The following ABCA4 variants were observed in gnomAD, a reference collection of about 807,000 sequenced individuals.
The protein encoded by ABCA4 is retinal-specific phospholipid-transporting ATPase ABCA4.
In ABCA4, 196 loss-of-function variants were observed where a neutral mutation model predicts 263.7. That is an observed-to-expected ratio of 0.74 (90% confidence interval 0.66 to 0.84). ABCA4 has a LOEUF of 0.84. Among genes scored for constraint, ABCA4 ranks in the 40% least tolerant of loss-of-function variants. The pLI is 0.00. For missense variants in ABCA4, 2,792 were observed against 2,855.1 expected, an observed-to-expected ratio of 0.98 and a Z score of 0.50; for synonymous variants, 1,133 against 1,094.2, an observed-to-expected ratio of 1.04 and a Z score of -0.70.
Position 94,037,272 on chromosome 1 carries a change from A to C in ABCA4, c.3686T>G (p.Leu1229Arg). 1 of 1,614,246 alleles carries C rather than the reference A, an allele frequency of 6.2e-7. No individual in the cohort carries two copies. The highest frequency in any genetic ancestry group is 8.5e-7 in the Non-Finnish European group (1 of 1,180,046). The change falls in exon 25 of 50, where the codon CTT becomes CGT. Residue 1229 changes from leucine to arginine, a missense_variant. By Grantham distance (102) the Leu-to-Arg change is moderately radical (BLOSUM62 -2). Coordinates refer to ENST00000370225, the MANE Select transcript of ABCA4 (RefSeq NM_000350.3). ...GTTCTTATTTGGAAGAAGGAAGATAAGTTCTTGACCAATGCACTCCACCAG... is the reference window on the plus strand; with the variant it reads ...GTTCTTATTTGGAAGAAGGAAGATACGTTCTTGACCAATGCACTCCACCAG... ...AKLVECIGQELIFLLPNKNFK... is the reference protein window; with the variant it reads ...AKLVECIGQERIFLLPNKNFK...
intron 11 of ABCA4, among the ~76,000 whole-genome samples, chr1:94,075,399 C>A (rs181738384): frequency 6.6e-6 from 1 of 152,248 alleles, no homozygotes; most frequent in East Asian, 1.9e-4. Context: ...TCATTCTTAT[C>A]TTCAGACAAG....
intron 38 of ABCA4, among the ~76,000 whole-genome samples, chr1:94,012,856 A>G (rs1004142810): frequency 6.7e-6 from 1 of 150,076 alleles, no homozygotes; most frequent in Non-Finnish European, 1.5e-5. Context: ...GCTTGTTTAT[A>G]TCAGCACACA....
At chr1:94,019,873 C>T (rs1571256916) in intron 35 of ABCA4, 114 bp from the exon 36 acceptor site, 1 of 1,156,976 alleles carries the variant, frequency 8.6e-7, no homozygotes, top group African/African-American at 1.5e-5. Flanking sequence ...GTGTGGCCTC[C>T]AGGTTCCTCT....
chr1:94,003,941 TA>T (rs1490962944), intron 44 of ABCA4, among the ~76,000 whole-genome samples: 1 of 152,120 alleles, frequency 6.6e-6, no homozygotes, highest in Admixed American at 6.5e-5. Flanking sequence ...CCCAGCCCCT[TA>T]TTTTTTTTTT....
chr1:94,041,315 T>C lies in ABCA4; in HGVS notation c.3416A>G (p.Tyr1139Cys), dbSNP rs150895509. The C allele has an allele frequency of 5.9e-5, 95 of 1,614,066 alleles. No individual in the cohort carries two copies. In the African/African-American group the frequency reaches 1.1e-3, roughly 19 times the overall value. ...RIAIIAQGRL[Y>C]CSGTPLFLKN... ...CAGGAAGAGTGGGGTGCCTGAGCAG[T>C]AGAGCCTTCCCTGGGCAATGATGGC... The change falls in exon 23 of 50, where the codon TAC (tyrosine) becomes TGC (cysteine). Residue 1139 changes from tyrosine to cysteine, a missense_variant. Tyr to Cys is a radical substitution (Grantham distance 194). Coordinates refer to ENST00000370225, the MANE Select transcript of ABCA4 (RefSeq NM_000350.3).
In ABCA4 at chr1:94,041,310, A is replaced by G; in HGVS notation, c.3421T>C (p.Ser1141Pro). 6.2e-7 allele frequency: 1 copy of G among 1,614,122 alleles called. No individual in the cohort carries two copies. Among genetic ancestry groups the G allele is most frequent in the Non-Finnish European group, 8.5e-7 (1 of 1,180,016 alleles). The change falls in exon 23 of 50, where the codon TCA (serine) becomes CCA (proline). Residue 1141 changes from serine to proline, a missense_variant. Coordinates refer to ENST00000370225, the MANE Select transcript of ABCA4 (RefSeq NM_000350.3). ...AIIAQGRLYC[S>P]GTPLFLKNCF... is the part of the protein sequence containing the mutation. ...TTCTTCAGGAAGAGTGGGGTGCCTGAGCAGTAGAGCCTTCCCTGGGCAATG... is the reference window on the plus strand; with the variant it reads ...TTCTTCAGGAAGAGTGGGGTGCCTGGGCAGTAGAGCCTTCCCTGGGCAATG...
At chr1:94,030,740 G>A (rs1037745685) in intron 28 of ABCA4, among the ~76,000 whole-genome samples, 2 of 152,152 alleles carry the variant, frequency 1.3e-5, no homozygotes, top group Non-Finnish European at 1.5e-5. Context: ...AAAAGATGGC[G>A]CTTCAACCCA....
chr1:94,067,469 T>TG (rs1281604215), intron 11 of ABCA4, among the ~76,000 whole-genome samples: 1 of 152,266 alleles, frequency 6.6e-6, no homozygotes, highest in East Asian at 1.9e-4. Context: ...TGATAATCTC[T>TG]GGGGGAAAAA....
chr1:94,032,098 C>A (rs1660222900), intron 26 of ABCA4, 55 bp from the exon 27 acceptor site: 1 of 1,595,378 alleles, frequency 6.3e-7, no homozygotes, highest in East Asian at 2.2e-5. Context: ...GTCTGGATCT[C>A]TAATGCCATT....
chr1:94,046,818 C>A, intron 19 of ABCA4, 101 bp downstream of exon 19: 1 of 1,468,604 alleles, frequency 6.8e-7, no homozygotes, highest in Non-Finnish European at 9.5e-7. Context: ...ATATTTGTCA[C>A]TAAAATTTGT....
In ABCA4 at chr1:94,034,832, T is replaced by A. The variant is rs182363978; in HGVS notation, c.3862+1908A>T. 2.6e-5 allele frequency among the ~76,000 whole-genome samples: 4 copies of A among 152,260 alleles called. No individual in the cohort carries two copies. The East Asian group carries it at 7.7e-4, about 29-fold the overall frequency. ...TTAAGTGCTTTGAGGTAAGAGATGGTTTGTAAACATTTAGTTTAGAGTTGC... is the reference window on the plus strand; with the variant it reads ...TTAAGTGCTTTGAGGTAAGAGATGGATTGTAAACATTTAGTTTAGAGTTGC... On this transcript the variant is annotated intron_variant, in intron 26 of 49. Transcript: ENST00000370225.
chr1:94,120,421 CTG>C (rs2101189410), intron 1 of ABCA4, among the ~76,000 whole-genome samples: 1 of 152,302 alleles, frequency 6.6e-6, no homozygotes, highest in African/African-American at 2.4e-5. Context: ...GTAAGACACA[CTG>C]TTACTTTTCT....
chr1:94,001,922 C>T lies in ABCA4; in HGVS notation c.6218G>A (p.Gly2073Glu). 1 of 1,614,230 alleles carries T rather than the reference C, an allele frequency of 6.2e-7. No homozygotes were observed. Among genetic ancestry groups the T allele is most frequent in the Non-Finnish European group, 8.5e-7 (1 of 1,180,046 alleles). The change falls in exon 45 of 50, where the codon GGG (glycine) becomes GAG (glutamate). Residue 2073 changes from glycine to glutamate, a missense_variant. Transcript: ENST00000370225. ...YADCLAGTYSGGNKRKLSTAI... is the reference protein window; with the variant it reads ...YADCLAGTYSEGNKRKLSTAI... ...TGTGGAGAGTTTCCGCTTGTTGCCC[C>T]CACTGTACGTGCCAGCCAGGCAGTC...
At chr1:94,065,061 A>G (rs1475927543) in intron 11 of ABCA4, among the ~76,000 whole-genome samples, 1 of 152,126 alleles carries the variant, frequency 6.6e-6, no homozygotes, top group Non-Finnish European at 1.5e-5. Flanking sequence ...ACTGAGCTTT[A>G]TAAAGTATCT....
chr1:94,023,151 C>T (rs372764966), intron 32 of ABCA4, among the ~76,000 whole-genome samples: 4 of 152,084 alleles, frequency 2.6e-5, no homozygotes, highest in Admixed American at 6.5e-5. Context: ...TGCTCTGAAA[C>T]GCCACATCAG....
chr1:94,043,599 G>T, intron 20 of ABCA4, 124 bp from the exon 21 acceptor site: 1 of 1,338,002 alleles, frequency 7.5e-7, no homozygotes, highest in Non-Finnish European at 1.0e-6. Flanking sequence ...CTGTGGTGGT[G>T]TTTATGATAC....
chr1:94,044,559 G>A, intron 20 of ABCA4, 54 bp downstream of exon 20: 1 of 1,613,852 alleles, frequency 6.2e-7, no homozygotes, highest in Non-Finnish European at 8.5e-7. Flanking sequence ...GAAGTGTGCT[G>A]GGGGCAGAGG....
At chr1:94,073,589 G>A (rs1221872133) in intron 11 of ABCA4, among the ~76,000 whole-genome samples, 1 of 152,186 alleles carries the variant, frequency 6.6e-6, no homozygotes, top group East Asian at 1.9e-4. Context: ...TATTAGGTAA[G>A]TGCTATTAAT....
intron 11 of ABCA4, among the ~76,000 whole-genome samples, chr1:94,065,839 T>A (rs574715499): frequency 6.6e-6 from 1 of 152,216 alleles, no homozygotes; most frequent in African/African-American, 2.4e-5. Context: ...AGTGACACCA[T>A]GCTAATGAGA....
Sources: allele counts gnomAD v4.1 joint callset (sites outside exome capture counted in the v4.1 genomes callset), GRCh38; gene constraint gnomAD v4.1.1; transcripts MANE v1.5; gene names NCBI Gene and HGNC (gene_info 2026-07-23, HGNC 2026-07-21).